The following PPP1R12A variants were observed in gnomAD, a reference collection of about 807,000 sequenced individuals.
PPP1R12A encodes protein phosphatase 1 regulatory subunit 12A.
A neutral mutation model predicts 139.6 loss-of-function variants in PPP1R12A; 19 were observed. The observed-to-expected ratio is 0.14, with a 90% CI of 0.09 to 0.20. PPP1R12A has a LOEUF of 0.20. PPP1R12A is among the 10% of genes least tolerant of loss of function. The pLI is 1.00. For synonymous variants in PPP1R12A, 427 were observed against 420.6 expected (o/e 1.02, Z -0.19); for missense variants, 925 against 1,211.5 (o/e 0.76, Z 3.51).
chr12:79,923,553 TACAGAG>T (rs1887607704), intron 1 of PPP1R12A, among the ~76,000 whole-genome samples: 1 of 152,166 alleles, frequency 6.6e-6, no homozygotes, highest in South Asian at 2.1e-4. Flanking sequence ...TACATACTTG[TACAGAG>T]ATATTTAAAA....
intron 1 of PPP1R12A, among the ~76,000 whole-genome samples, chr12:79,923,606 C>T (rs990212153): frequency 4.6e-5 from 7 of 152,024 alleles, no homozygotes; most frequent in East Asian, 1.9e-4. Context: ...AGTCCAGTCC[C>T]GAAATTTTGG....
rs111979700 is a variant in PPP1R12A, at chr12:79,796,260, GAA to G, written c.2462-503_2462-502del. Among the ~76,000 whole-genome samples the G allele has an allele frequency of 8.6e-3, 1,302 of 152,098 alleles. 18 individuals are homozygous for G. Among genetic ancestry groups the G allele is most frequent in the African/African-American group, 0.029 (1,201 of 41,510 alleles). ...GTAGGAATTACTCAGAATTTAAATA[GAA>G]AGTTTATATAAAATAATAGGAAATG... is the stretch of plus-strand genomic sequence containing the variant. On this transcript the variant is annotated intron_variant, in intron 17 of 24. Coordinates refer to ENST00000450142, the MANE Select transcript of PPP1R12A (RefSeq NM_002480.3).
chr12:79,856,986 A>G (rs1489186067), intron 2 of PPP1R12A, among the ~76,000 whole-genome samples: 1 of 152,184 alleles, frequency 6.6e-6, no homozygotes, highest in Non-Finnish European at 1.5e-5. Flanking sequence ...ATCATATATT[A>G]TTTCTCATTT....
chr12:79,832,750 C>CT (rs1207516699), intron 3 of PPP1R12A, among the ~76,000 whole-genome samples: 33 of 151,938 alleles, frequency 2.2e-4, no homozygotes, highest in African/African-American at 7.7e-4. Flanking sequence ...GATTATTCTT[C>CT]TTGTTTTTTA....
At chr12:79,917,189 C>T (rs1887061932) in intron 1 of PPP1R12A, among the ~76,000 whole-genome samples, 1 of 152,186 alleles carries the variant, frequency 6.6e-6, no homozygotes, top group Non-Finnish European at 1.5e-5. Flanking sequence ...CCATGTTATA[C>T]AGAGTTAAGA....
At chr12:79,811,456 G>C (rs1371169328) in intron 9 of PPP1R12A, among the ~76,000 whole-genome samples, 2 of 152,184 alleles carry the variant, frequency 1.3e-5, no homozygotes, top group Non-Finnish European at 1.5e-5. Context: ...CTGCCATTTT[G>C]ATCACATTTC....
At chr12:79,797,443 G>C (rs1872615060) in intron 15 of PPP1R12A, 48 bp from the exon 16 acceptor site, 1 of 1,451,644 alleles carries the variant, frequency 6.9e-7, no homozygotes, top group East Asian at 2.4e-5. Context: ...ATTAAAGCTT[G>C]TTTCAAGGAA....
intron 1 of PPP1R12A, among the ~76,000 whole-genome samples, chr12:79,912,700 A>C (rs937971040): frequency 3.9e-5 from 6 of 151,960 alleles, no homozygotes; most frequent in African/African-American, 1.4e-4. Flanking sequence ...TTTAAAAAAA[A>C]AAAAAAAAGA....
At chr12:79,926,189 A>G (rs1311660598) in intron 1 of PPP1R12A, among the ~76,000 whole-genome samples, 3 of 152,088 alleles carry the variant, frequency 2.0e-5, no homozygotes, top group African/African-American at 7.2e-5. Flanking sequence ...TAACATCCCA[A>G]TAATTTTTTT....
intron 2 of PPP1R12A, among the ~76,000 whole-genome samples, chr12:79,852,518 G>A (rs1880174161): frequency 6.6e-6 from 1 of 152,018 alleles, no homozygotes; most frequent in Non-Finnish European, 1.5e-5. Flanking sequence ...ATTAAAATCT[G>A]CACACTTTGG....
At chr12:79,860,828 AC>A (rs1159904756) in intron 2 of PPP1R12A, among the ~76,000 whole-genome samples, 48 of 152,174 alleles carry the variant, frequency 3.2e-4, no homozygotes, top group Non-Finnish European at 6.2e-4. Context: ...ACCCTCAAAA[AC>A]AAAACTTTGA....
chr12:79,788,401 C>T (rs1033101227), intron 21 of PPP1R12A: 14 of 349,488 alleles, frequency 4.0e-5, no homozygotes, highest in African/African-American at 2.1e-4. Context: ...ATTTATTGAA[C>T]GCTCCTTTCC....
rs375608151 is a variant in PPP1R12A at position 79,820,979 on chromosome 12, A to G, written c.957-48T>C. 72 of 1,605,018 alleles carry G rather than the reference A, an allele frequency of 4.5e-5. 1 individual carries two copies. In the African/African-American group the frequency reaches 9.3e-4, roughly 21 times the overall value. Reference sequence around the variant, plus strand: ...AAATGATTAGAAATACAAAAGGTTAAAATATATTCATTCTTCCCAGATCCA... The same window carrying G: ...AAATGATTAGAAATACAAAAGGTTAGAATATATTCATTCTTCCCAGATCCA... On this transcript the variant is annotated intron_variant, in intron 7 of 24. Transcript: ENST00000450142.
At position 79,817,509 on chromosome 12, in the gene PPP1R12A, T is replaced by G; in HGVS notation, c.1124A>C (p.Lys375Thr). 6.3e-7 allele frequency: 1 copy of G among 1,587,798 alleles called. No individual in the cohort carries two copies. Among genetic ancestry groups the G allele is most frequent in the Non-Finnish European group, 8.6e-7 (1 of 1,165,120 alleles). Residue 375 changes from lysine to threonine, a missense_variant, in exon 9 of 25, where the codon AAA (lysine) becomes ACA (threonine). Lys to Thr is a moderately conservative substitution (Grantham distance 78). Coordinates refer to ENST00000450142, the MANE Select transcript of PPP1R12A (RefSeq NM_002480.3). ...SESEAETDKT[K>T]PLASVTNANT... ...GGCATTAGTTACAGAAGCCAGGGGT[T>G]TTGTCTTATCTATTAAAGACAAACA...
At chr12:79,854,182 A>G (rs1880362240) in intron 2 of PPP1R12A, among the ~76,000 whole-genome samples, 1 of 152,002 alleles carries the variant, frequency 6.6e-6, no homozygotes, top group South Asian at 2.1e-4. Context: ...AATGTTATAT[A>G]CTCTAAGCAG....
At chr12:79,861,248 C>T (rs1423838363) in intron 2 of PPP1R12A, among the ~76,000 whole-genome samples, 1 of 152,182 alleles carries the variant, frequency 6.6e-6, no homozygotes, top group East Asian at 1.9e-4. Flanking sequence ...ACTTCAAGAG[C>T]CTCTCAATGA....
At chr12:79,821,211 T>C (rs758760338) in intron 6 of PPP1R12A, 45 bp from the exon 7 acceptor site, 7 of 1,328,700 alleles carry the variant, frequency 5.3e-6, no homozygotes, top group African/African-American at 1.5e-5. Context: ...ACTATTAAGA[T>C]ACTATTACTA....
chr12:79,901,493 T>A (rs888902601), intron 1 of PPP1R12A, among the ~76,000 whole-genome samples: 3 of 152,140 alleles, frequency 2.0e-5, no homozygotes, highest in Admixed American at 2.0e-4. Flanking sequence ...AACTTGGTCC[T>A]TGTTTGTGAA....
chr12:79,911,826 C>T (rs1040911661), intron 1 of PPP1R12A, among the ~76,000 whole-genome samples: 2 of 152,134 alleles, frequency 1.3e-5, no homozygotes, highest in Admixed American at 6.6e-5. Flanking sequence ...TCTCCACCTC[C>T]GATTCCCCCC....
Sources: gnomAD v4.1 joint callset for allele counts (sites outside exome capture counted in the v4.1 genomes callset) on GRCh38, gnomAD v4.1.1 for gene constraint, MANE v1.5 for transcripts, NCBI Gene and HGNC (gene_info 2026-07-23, HGNC 2026-07-21) for gene names.